The following C6 variants were observed in gnomAD, a reference collection of about 807,000 sequenced individuals.
The protein encoded by C6 is complement C6.
A neutral mutation model predicts 112.9 loss-of-function variants in C6; 101 were observed. The ratio of observed to expected loss-of-function variants is 0.89; its 90% CI spans 0.76 to 1.06. The LOEUF (loss-of-function observed/expected upper bound fraction) is 1.06, where lower values mean the gene tolerates loss of function less well. Among genes scored for constraint, C6 ranks in the 50% least tolerant of loss-of-function variants. The probability of loss-of-function intolerance (pLI) is 0.00; values close to 1 mark genes in which losing one functional copy is unlikely to be tolerated. For synonymous variants in C6, 431 were observed against 384.1 expected, an observed-to-expected ratio of 1.12 and a Z score of -1.43; for missense variants, 1,202 against 1,104.6, an observed-to-expected ratio of 1.09 and a Z score of -1.25.
intron 1 of C6, among the ~76,000 whole-genome samples, chr5:41,209,557 G>C (rs1033653471): frequency 6.6e-6 from 1 of 152,072 alleles, no homozygotes; most frequent in Non-Finnish European, 1.5e-5. Flanking sequence ...AAAAATCACA[G>C]ACATTCCTAT....
chr5:41,173,319 T>C (rs1356421946), intron 8 of C6, among the ~76,000 whole-genome samples: 3 of 152,184 alleles, frequency 2.0e-5, no homozygotes, highest in Non-Finnish European at 2.9e-5. Flanking sequence ...TCTGAACCAC[T>C]CCCACCACAG....
In C6 at chr5:41,160,377, A is replaced by G. The variant is rs1328859522; in HGVS notation, c.1459-10T>C. ...CCACGATGGGGGCAAGCTAGGAGAA[A>G]ATGGGAGAGAGGAGGTCCAGTCACA... On this transcript the variant is annotated splice_polypyrimidine_tract_variant and intron_variant, in intron 10 of 17. Coordinates refer to ENST00000337836, the MANE Select transcript of C6 (RefSeq NM_000065.5). 3 of 1,607,232 alleles carry G rather than the reference A, an allele frequency of 1.9e-6. No homozygotes were observed. The highest frequency in any genetic ancestry group is 1.7e-4 in the Middle Eastern group (1 of 6,044).
chr5:41,207,345 T>C (rs577240187), intron 1 of C6, among the ~76,000 whole-genome samples: 13 of 152,306 alleles, frequency 8.5e-5, no homozygotes, highest in Admixed American at 7.8e-4. Context: ...CCAGCTAACA[T>C]CATAATGACG....
intron 5 of C6, among the ~76,000 whole-genome samples, chr5:41,187,782 T>C (rs1749899541): frequency 6.6e-6 from 1 of 152,030 alleles, no homozygotes; most frequent in Non-Finnish European, 1.5e-5. Flanking sequence ...ATTGCTTTTT[T>C]ATAGTAGTTG....
chr5:41,227,868 A>G (rs568780009), intron 1 of C6, among the ~76,000 whole-genome samples: 184 of 152,104 alleles, frequency 1.2e-3, no homozygotes, highest in African/African-American at 4.0e-3. Context: ...TTGAAATACT[A>G]TTACTTTGTA....
chr5:41,195,971 T>G (rs1256252519), intron 4 of C6, 38 bp from the exon 5 acceptor site: 1 of 1,610,638 alleles, frequency 6.2e-7, no homozygotes. Flanking sequence ...TGCAACAAAT[T>G]ATCATTTTAG....
At position 41,159,176 on chromosome 5, in the gene C6, C is replaced by G; in HGVS notation, c.1762G>C (p.Glu588Gln). Residue 588 changes from glutamate to glutamine, a missense_variant, in exon 12 of 18, where the codon GAA (glutamate) becomes CAA (glutamine). Glu to Gln is a conservative substitution (Grantham distance 29). Transcript: ENST00000337836. The stretch of plus-strand genomic sequence containing the variant: ...CGTTGGGGGGCAGGATTATTGCATT[C>G]TCGGGTTCTCGATCTCTTATAAGTA... Reference protein sequence around the residue: ...DATYKRSRTRECNNPAPQRGG... With the variant: ...DATYKRSRTRQCNNPAPQRGG... The G allele has an allele frequency of 1.2e-6, 2 of 1,613,600 alleles. No individual in the cohort carries two copies. Among genetic ancestry groups the G allele is most frequent in the Non-Finnish European group, 1.7e-6 (2 of 1,179,732 alleles).
At chr5:41,249,900 T>A (rs1741241381) in intron 1 of C6, among the ~76,000 whole-genome samples, 1 of 152,122 alleles carries the variant, frequency 6.6e-6, no homozygotes, top group Admixed American at 6.5e-5. Context: ...CAGAGTCATG[T>A]TTAAAAAAAG....
intron 1 of C6, among the ~76,000 whole-genome samples, chr5:41,250,843 G>A (rs1429846621): frequency 6.6e-6 from 1 of 152,142 alleles, no homozygotes; most frequent in Non-Finnish European, 1.5e-5. Context: ...TAATATAGTG[G>A]TTTATTATTT....
chr5:41,247,543 C>T (rs976048432), intron 1 of C6, among the ~76,000 whole-genome samples: 2 of 151,788 alleles, frequency 1.3e-5, no homozygotes, highest in African/African-American at 4.8e-5. Flanking sequence ...TGGTGAAACC[C>T]CATCTCTAAT....
intron 1 of C6, among the ~76,000 whole-genome samples, chr5:41,226,824 A>G (rs980174175): frequency 2.0e-5 from 3 of 152,060 alleles, no homozygotes; most frequent in Non-Finnish European, 2.9e-5. Flanking sequence ...TCATTTTTGT[A>G]TATACACCAC....
intron 1 of C6, among the ~76,000 whole-genome samples, chr5:41,203,990 T>G (rs1561167001): frequency 6.6e-6 from 1 of 152,208 alleles, no homozygotes; most frequent in Non-Finnish European, 1.5e-5. Flanking sequence ...CACAACAGGT[T>G]GAGCGGAAAA....
At chr5:41,234,182 AG>A (rs1476595830) in intron 1 of C6, among the ~76,000 whole-genome samples, 1 of 152,076 alleles carries the variant, frequency 6.6e-6, no homozygotes, top group Non-Finnish European at 1.5e-5. Context: ...GAAGGAGAAA[AG>A]TAGAAAACAC....
At chr5:41,159,918 A>G (rs1040446494) in intron 11 of C6, among the ~76,000 whole-genome samples, 27 of 152,120 alleles carry the variant, frequency 1.8e-4, no homozygotes, top group Non-Finnish European at 7.3e-5. Context: ...TCCTCATTTT[A>G]TGGATGAACA....
In C6 at chr5:41,203,193, T is replaced by A. The variant is rs1751169176; in HGVS notation, c.38A>T (p.Asn13Ile). The A allele has an allele frequency of 1.2e-6, 2 of 1,614,038 alleles. No individual in the cohort carries two copies. The highest frequency in any genetic ancestry group is 8.5e-7 in the Non-Finnish European group (1 of 1,179,990). The change falls in exon 2 of 18, where the codon AAT (asparagine) becomes ATT (isoleucine). Residue 13 changes from asparagine to isoleucine, a missense_variant. Asn to Ile is a moderately radical substitution (Grantham distance 149, BLOSUM62 -3). Coordinates refer to ENST00000337836, the MANE Select transcript of C6 (RefSeq NM_000065.5). ...GGCTTGGCCCTTGTTGATCAGAGCA[T>A]TCAGCAGGATGAAGTACAAGACAGA... ...RRSVLYFILL[N>I]ALINKGQACF...
At position 41,176,721 on chromosome 5, in the gene C6, T is replaced by C. The variant is rs202072448; in HGVS notation, c.928-6A>G. The C allele has an allele frequency of 3.9e-5, 62 of 1,607,946 alleles. No individual in the cohort carries two copies. The highest frequency in any genetic ancestry group is 2.0e-4 in the Middle Eastern group (1 of 5,122). On this transcript the variant is annotated splice_region_variant and splice_polypyrimidine_tract_variant and intron_variant, in intron 7 of 17. Coordinates refer to ENST00000337836, the MANE Select transcript of C6 (RefSeq NM_000065.5). ...ATCCTAATAAAACTAGAATCCTAAATGGAAGAAAGAAGTAAAAAGATGATT... is the reference window on the plus strand; with the variant it reads ...ATCCTAATAAAACTAGAATCCTAAACGGAAGAAAGAAGTAAAAAGATGATT...
intron 1 of C6, among the ~76,000 whole-genome samples, chr5:41,255,125 G>T (rs922412193): frequency 6.6e-6 from 1 of 152,102 alleles, no homozygotes; most frequent in Non-Finnish European, 1.5e-5. Context: ...ACTTTGGGAG[G>T]CCAAGGTGGG....
intron 1 of C6, among the ~76,000 whole-genome samples, chr5:41,235,126 G>T (rs1740186662): frequency 7.1e-6 from 1 of 140,108 alleles, no homozygotes; most frequent in African/African-American, 2.7e-5. Flanking sequence ...TGCACATTGT[G>T]CAGGTTAGTT....
At position 41,201,575 on chromosome 5, in the gene C6, G is replaced by C. The variant is rs928658064; in HGVS notation, c.283C>G (p.Pro95Ala). 6.2e-7 allele frequency: 1 copy of C among 1,613,554 alleles called. No homozygotes were observed. Among genetic ancestry groups the C allele is most frequent in the Non-Finnish European group, 8.5e-7 (1 of 1,179,854 alleles). Residue 95 changes from proline to alanine, a missense_variant, in exon 3 of 18, where the codon CCT becomes GCT. Physicochemically the swap from Pro to Ala is conservative, Grantham distance 27 (BLOSUM62 -1). Transcript: ENST00000337836. ...TTGCCTACCTGTTTTTCAATACAAG[G>C]GTCACAGTCTGACCATGGTCCAAAA... ...GDFGPWSDCDPCIEKQSKVRS... is the reference protein window; with the variant it reads ...GDFGPWSDCDACIEKQSKVRS...
Sources: allele counts gnomAD v4.1 joint callset (sites outside exome capture counted in the v4.1 genomes callset), GRCh38; gene constraint gnomAD v4.1.1; transcripts MANE v1.5; gene names NCBI Gene and HGNC (gene_info 2026-07-23, HGNC 2026-07-21).